GLI2: variants seen among roughly 807,000 people sequenced by gnomAD.
The protein encoded by GLI2 is GLI family zinc finger 2.
Under a neutral mutation model 78.9 loss-of-function variants are expected in GLI2, and 22 were observed. That is an observed-to-expected ratio of 0.28 (90% CI 0.20 to 0.40). GLI2 has a LOEUF of 0.40. Ranked by LOEUF, GLI2 falls within the 10% of genes least tolerant of loss-of-function variation. The pLI, the probability that GLI2 is intolerant of heterozygous loss-of-function variation, is 1.00. For synonymous variants in GLI2, 974 were observed against 963.7 expected (o/e 1.01, Z -0.20); for missense variants, 2,097 against 2,213.2 (o/e 0.95, Z 1.05).
At chr2:120,851,353 G>A (rs1406953467) in intron 2 of GLI2, among the ~76,000 whole-genome samples, 2 of 152,320 alleles carry the variant, frequency 1.3e-5, no homozygotes, top group East Asian at 1.9e-4. Flanking sequence ...TCAGTTCTAT[G>A]TTGCTCTGTT....
intron 3 of GLI2, among the ~76,000 whole-genome samples, chr2:120,938,259 C>T (rs1680289122): frequency 6.6e-6 from 1 of 152,198 alleles, no homozygotes; most frequent in Non-Finnish European, 1.5e-5. Flanking sequence ...AGGCCCCACA[C>T]CTCACTCCTC....
At chr2:120,929,877 T>C (rs1392203193) in intron 3 of GLI2, among the ~76,000 whole-genome samples, 7 of 152,166 alleles carry the variant, frequency 4.6e-5, no homozygotes, top group Admixed American at 1.3e-4. Context: ...GGAAGGTGCA[T>C]GTGTTTGGAA....
At chr2:120,899,722 T>G (rs939021482) in intron 2 of GLI2, among the ~76,000 whole-genome samples, 3 of 152,206 alleles carry the variant, frequency 2.0e-5, no homozygotes, top group Non-Finnish European at 4.4e-5. Context: ...CCCATCTTCC[T>G]CTTTCTTGTG....
intron 1 of GLI2, among the ~76,000 whole-genome samples, chr2:120,783,135 C>T (rs1197910041): frequency 1.3e-5 from 2 of 152,200 alleles, no homozygotes; most frequent in Non-Finnish European, 2.9e-5. Context: ...CACAGCTTTA[C>T]AATAATCAGC....
rs10204263 is a variant in GLI2 at position 120,763,060 on chromosome 2, G to A, written c.-31+26775G>A. On this transcript the variant is annotated intron_variant, in intron 1 of 13. Transcript: ENST00000361492. ...GAGGCTCTGGAGCCTGGCATACTCC[G>A]ACTGAGGGGCAGCCCTGCTCCCTCT... is the stretch of plus-strand genomic sequence containing the variant. Among the ~76,000 whole-genome samples, 283 of 152,280 alleles carry A rather than the reference G, an allele frequency of 1.9e-3. 2 individuals are homozygous for A. The highest frequency in any genetic ancestry group is 6.3e-3 in the African/African-American group (261 of 41,560).
At chr2:120,901,458 T>TGGAGAGGCGGC (rs1000566165) in intron 2 of GLI2, among the ~76,000 whole-genome samples, 26 of 152,264 alleles carry the variant, frequency 1.7e-4, no homozygotes, top group African/African-American at 6.0e-4. Flanking sequence ...AGGCCTCTGG[T>TGGAGAGGCGGC]GGAGAGGCGG....
chr2:120,790,069 G>C (rs1684103164), intron 1 of GLI2, among the ~76,000 whole-genome samples: 1 of 152,342 alleles, frequency 6.6e-6, no homozygotes, highest in Non-Finnish European at 1.5e-5. Context: ...CAGTTCAAGA[G>C]GACCCTTCTT....
At chr2:120,851,289 G>A (rs1687394523) in intron 2 of GLI2, among the ~76,000 whole-genome samples, 1 of 152,234 alleles carries the variant, frequency 6.6e-6, no homozygotes, top group African/African-American at 2.4e-5. Flanking sequence ...CTTAAGGGAG[G>A]TCATGATGGC....
chr2:120,807,301 T>C (rs1014126972), intron 2 of GLI2, among the ~76,000 whole-genome samples: 1 of 152,110 alleles, frequency 6.6e-6, no homozygotes, highest in African/African-American at 2.4e-5. Flanking sequence ...CCCAGTGTCC[T>C]CATTTTAAAC....
Position 120,989,349 on chromosome 2 carries a change from G to T in GLI2, c.3384G>T (p.Gln1128His), listed in dbSNP as rs1683163231. The T allele has an allele frequency of 6.2e-7, 1 of 1,612,912 alleles. No individual in the cohort carries two copies. Among genetic ancestry groups the T allele is most frequent in the Admixed American group, 1.7e-5 (1 of 60,014 alleles). The change falls in exon 14 of 14, where the codon CAG becomes CAT. Residue 1128 changes from glutamine (Q) to histidine (H), a missense_variant. Around this residue, in one of 5 missense-constraint regions of GLI2, gnomAD observed 1,290 missense variants for 1,261.7 expected, o/e 1.02. Transcript: ENST00000361492. ...TGAACAAAAATAACATGCCTGTGCA[G>T]TGGAATGAGGTGAGCTCCGGCACCG... Reference protein sequence around the residue: ...SSLNKNNMPVQWNEVSSGTVD... With the variant: ...SSLNKNNMPVHWNEVSSGTVD...
chr2:120,927,528 C>T (rs1276367704), intron 3 of GLI2, 62 bp downstream of exon 3: 16 of 1,088,846 alleles, frequency 1.5e-5, no homozygotes, highest in Non-Finnish European at 2.3e-5. Flanking sequence ...GGAGGCTGGG[C>T]CGGCAGCCTC....
At chr2:120,924,798 A>G (rs1679579415) in intron 2 of GLI2, among the ~76,000 whole-genome samples, 1 of 152,176 alleles carries the variant, frequency 6.6e-6, no homozygotes, top group Non-Finnish European at 1.5e-5. Context: ...GTAAATTCAT[A>G]GTTTGATGAT....
rs749416157 is a variant in GLI2 at position 120,955,289 on chromosome 2, G to T, written c.502G>T (p.Ala168Ser). 2 of 1,610,544 alleles carry T rather than the reference G, an allele frequency of 1.2e-6. No homozygotes were observed. The highest frequency in any genetic ancestry group is 1.7e-5 in the Admixed American group (1 of 59,378). The change falls in exon 5 of 14, where the codon GCT (alanine) becomes TCT (serine). Residue 168 changes from alanine (A) to serine (S), a missense_variant. By Grantham distance (99) the Ala-to-Ser change is moderately conservative. Around this residue, in one of 5 missense-constraint regions of GLI2, gnomAD observed 578 missense variants for 612.0 expected, o/e 0.94. Transcript: ENST00000361492. ...GGAGAGGGGACTGTTTGGCCTTCCT[G>T]CTCCAGGCACCACCCCCTCAGACTA... is the stretch of plus-strand genomic sequence containing the variant. ...LKERGLFGLP[A>S]PGTTPSDYYH...
intron 1 of GLI2, among the ~76,000 whole-genome samples, chr2:120,740,903 G>A (rs1385978877): frequency 2.0e-5 from 3 of 152,224 alleles, no homozygotes; most frequent in African/African-American, 4.8e-5. Context: ...GGCTGAGGCG[G>A]GGACTCCACA....
At chr2:120,803,702 C>G (rs1020072287) in intron 2 of GLI2, among the ~76,000 whole-genome samples, 1 of 152,210 alleles carries the variant, frequency 6.6e-6, no homozygotes, top group African/African-American at 2.4e-5. Flanking sequence ...CGCTGGAGAC[C>G]AGACCAGACC....
chr2:120,913,469 T>A (rs906906646), intron 2 of GLI2, among the ~76,000 whole-genome samples: 1 of 152,238 alleles, frequency 6.6e-6, no homozygotes, highest in Non-Finnish European at 1.5e-5. Context: ...TAGTTTTTTT[T>A]AAATGTGGCT....
intron 2 of GLI2, among the ~76,000 whole-genome samples, chr2:120,824,097 G>C (rs1685916336): frequency 6.6e-6 from 1 of 152,192 alleles, no homozygotes; most frequent in Admixed American, 6.5e-5. Context: ...ATCTTGGGGG[G>C]ATTCCGTTGG....
intron 10 of GLI2, among the ~76,000 whole-genome samples, chr2:120,981,618 A>G (rs1245031484): frequency 2.0e-5 from 3 of 152,232 alleles, no homozygotes; most frequent in Non-Finnish European, 4.4e-5. Flanking sequence ...AGCATGCTCA[A>G]TCAGACTGGT....
intron 1 of GLI2, among the ~76,000 whole-genome samples, chr2:120,748,480 G>A (rs908041357): frequency 6.6e-6 from 1 of 152,146 alleles, no homozygotes; most frequent in Non-Finnish European, 1.5e-5. Flanking sequence ...GACCTCATAG[G>A]GCAAGTGCTG....
Sources: allele counts gnomAD v4.1 joint callset (sites outside exome capture counted in the v4.1 genomes callset), GRCh38; gene constraint gnomAD v4.1.1; regional missense constraint gnomAD v4.1.1; transcripts MANE v1.5; gene names NCBI Gene and HGNC (gene_info 2026-07-23, HGNC 2026-07-21).